The following PDZD7 variants were observed in gnomAD, a reference collection of about 807,000 sequenced individuals.
The protein encoded by PDZD7 is PDZ domain-containing protein 7.
A neutral mutation model predicts 84.7 loss-of-function variants in PDZD7; 72 were observed. That is an observed-to-expected ratio of 0.85 (90% confidence interval 0.70 to 1.03). The LOEUF (loss-of-function observed/expected upper bound fraction) is 1.03, where lower values mean the gene tolerates loss of function less well. Among genes scored for constraint, PDZD7 ranks in the 50% least tolerant of loss-of-function variants. PDZD7 has a pLI of 0.00. For missense variants in PDZD7, 1,490 were observed against 1,412.9 expected, an observed-to-expected ratio of 1.05 and a Z score of -0.87; for synonymous variants, 594 against 580.7, an observed-to-expected ratio of 1.02 and a Z score of -0.33.
At position 101,023,498 on chromosome 10, in the gene PDZD7, G is replaced by A. The variant is rs2134099593; in HGVS notation, c.480C>T (p.His160=). 1 of 1,614,152 alleles carries A rather than the reference G, an allele frequency of 6.2e-7. No individual in the cohort carries two copies. Among genetic ancestry groups the A allele is most frequent in the Non-Finnish European group, 8.5e-7 (1 of 1,180,030 alleles). Residue 160 remains histidine (H), a synonymous_variant, in exon 4 of 17, where the codon CAC becomes CAT. Transcript: ENST00000619208. ...CACGGCCCATGCGCCGAACCATCATGTGCAGGCGGCTGCTGCTGGTCAGCA... is the reference window on the plus strand; with the variant it reads ...CACGGCCCATGCGCCGAACCATCATATGCAGGCGGCTGCTGCTGGTCAGCA... The part of the protein sequence containing the change: ...VKVLTSSSRL[H]MMVRRMGRVP...
chr10:101,029,998 G>C lies in PDZD7; in HGVS notation c.222C>G (p.Ile74Met), dbSNP rs2134156639. Reference protein sequence around the residue: ...MGRVILINSPIEANSDESDII... With the variant: ...MGRVILINSPMEANSDESDII... ...GTGGCTGGGTCCCGCCCCTACCTTC[G>C]ATGGGGGAGTTGATGAGGATGACGC... Residue 74 changes from isoleucine (I) to methionine (M), a missense_variant, in exon 2 of 17, where the codon ATC becomes ATG. Coordinates refer to ENST00000619208, the MANE Select transcript of PDZD7 (RefSeq NM_001195263.2). 6.3e-7 allele frequency: 1 copy of C among 1,598,846 alleles called. No individual in the cohort carries two copies. Among genetic ancestry groups the C allele is most frequent in the Non-Finnish European group, 8.5e-7 (1 of 1,171,146 alleles).
intron 14 of PDZD7, chr10:101,011,165 C>T: frequency 2.3e-6 from 2 of 867,936 alleles, no homozygotes; most frequent in Non-Finnish European, 3.2e-6. Flanking sequence ...CTCAGCCTCC[C>T]GGAGTAGCTG....
In PDZD7 at chr10:101,019,202, A is replaced by G. The variant is rs1852907786; in HGVS notation, c.944T>C (p.Leu315Pro). Residue 315 changes from leucine to proline, a missense_variant, in exon 8 of 17, where the codon CTG (leucine) becomes CCG (proline). Physicochemically the swap from Leu to Pro is moderately conservative, Grantham distance 98. Transcript: ENST00000619208. ...CTCAGAGGCCGGGGACAGCTGCTGCAGCACCCCGTTGCTCACTGCAGGGAG... is the reference window on the plus strand; with the variant it reads ...CTCAGAGGCCGGGGACAGCTGCTGCGGCACCCCGTTGCTCACTGCAGGGAG... ...CWLDRLSNGV[L>P]QQLSPASESS... is the part of the protein sequence containing the mutation. The G allele has an allele frequency of 2.0e-6, 3 of 1,535,878 alleles. No homozygotes were observed. Among genetic ancestry groups the G allele is most frequent in the African/African-American group, 1.4e-5 (1 of 73,204 alleles).
chr10:101,024,110 G>A, intron 2 of PDZD7, 42 bp from the exon 3 acceptor site: 1 of 1,614,008 alleles, frequency 6.2e-7, no homozygotes, highest in Non-Finnish European at 8.5e-7. Flanking sequence ...TGTTCATTGT[G>A]GGCACAGAGG....
chr10:101,024,105 A>C, intron 2 of PDZD7, 37 bp from the exon 3 acceptor site: 1 of 1,614,084 alleles, frequency 6.2e-7, no homozygotes, highest in African/African-American at 1.3e-5. Flanking sequence ...CCCCATGTTC[A>C]TTGTGGGCAC....
rs201889423 is a variant in PDZD7, at chr10:101,023,438, C to T, written c.540G>A (p.Thr180=). The T allele has an allele frequency of 1.5e-4, 237 of 1,614,028 alleles. 1 individual carries two copies. In the East Asian group the frequency reaches 4.7e-3, roughly 32 times the overall value. The part of the protein sequence containing the change: ...PGIKFSKEKT[T]WVDVVNRRLV... Reference sequence around the variant, plus strand: ...AGGATGAGGGAGTTGCTGCTCACCACGTGGTCTTCTCCTTGGAGAACTTGA... The same window carrying T: ...AGGATGAGGGAGTTGCTGCTCACCATGTGGTCTTCTCCTTGGAGAACTTGA... The change falls in exon 4 of 17, where the codon ACG becomes ACA. Residue 180 remains threonine, a splice_region_variant and synonymous_variant. Coordinates refer to ENST00000619208, the MANE Select transcript of PDZD7 (RefSeq NM_001195263.2).
At chr10:101,015,890 GC>G in intron 10 of PDZD7, 79 bp from the exon 11 acceptor site, 1 of 1,441,736 alleles carries the variant, frequency 6.9e-7, no homozygotes, top group Non-Finnish European at 9.3e-7. Flanking sequence ...CCAGCTGAGA[GC>G]CCAGGTACCT....
rs1341078143 is a variant in PDZD7 at position 101,008,253 on chromosome 10, C to G, written c.*214G>C. Reference sequence around the variant, plus strand: ...TGGGGAGCAGTGAGTGCAGGTGACACAGGCTGCCCACTAGCACCTTGTCCT... The same window carrying G: ...TGGGGAGCAGTGAGTGCAGGTGACAGAGGCTGCCCACTAGCACCTTGTCCT... On this transcript the variant is annotated 3_prime_UTR_variant, in exon 17 of 17. Coordinates refer to ENST00000619208, the MANE Select transcript of PDZD7 (RefSeq NM_001195263.2). The G allele has an allele frequency of 6.9e-5, 40 of 578,048 alleles. No individual in the cohort carries two copies. Among genetic ancestry groups the G allele is most frequent in the Non-Finnish European group, 8.9e-6 (3 of 337,422 alleles). 35.8% of individuals were successfully genotyped at this position (578,048 alleles called of 1,614,324 possible).
Position 101,017,887 on chromosome 10 carries a change from GAAAGAAAAGAAAGAAAGAAAGAAAGA to G in PDZD7, c.1522+186_1522+211del, listed in dbSNP as rs1229218697. On this transcript the variant is annotated intron_variant, in intron 9 of 16. Transcript: ENST00000619208. The stretch of plus-strand genomic sequence containing the variant: ...AGAAAGAAAGAAAGAAAGAAAGAAA[GAAAGAAAAGAAAGAAAGAAAGAAAGA>G]AAAGAAAGAAAGAAAAAGAAATAGG... 3,173 of 201,202 alleles carry G rather than the reference GAAAGAAAAGAAAGAAAGAAAGAAAGA, an allele frequency of 0.016. 31 individuals carry two copies. The highest frequency in any genetic ancestry group is 0.043 in the Middle Eastern group (27 of 630). 12.5% of individuals were successfully genotyped at this position (201,202 alleles called of 1,614,324 possible).
In PDZD7 at chr10:101,010,770, GGGCAGA is replaced by G. The variant is rs1564627638; in HGVS notation, c.2113_2118del (p.Ser705_Ala706del). ...GGGATCCCTTTATGGGGGTGGCGAG[GGGCAGA>G]GGCACTTGGGGAGACCTTGAGGGCC... On this transcript the variant is annotated inframe_deletion, in exon 15 of 17. Transcript: ENST00000619208. The G allele has an allele frequency of 6.5e-7, 1 of 1,535,482 alleles. No individual in the cohort carries two copies. The highest frequency in any genetic ancestry group is 2.4e-5 in the East Asian group (1 of 40,888).
chr10:101,018,434 C>T lies in PDZD7; in HGVS notation c.1325-138G>A, dbSNP rs562716780. 8.1e-5 allele frequency: 75 copies of T among 929,144 alleles called. No individual in the cohort carries two copies. The African/African-American group carries it at 1.1e-3, about 14-fold the overall frequency. The allele number at this position is 929,144 out of a possible 1,614,324, so 57.6% of individuals were successfully genotyped here. On this transcript the variant is annotated intron_variant, in intron 8 of 16. Coordinates refer to ENST00000619208, the MANE Select transcript of PDZD7 (RefSeq NM_001195263.2). The stretch of plus-strand genomic sequence containing the variant: ...CTGCAGCTACGCCGGGGTGAGAGTG[C>T]GGTTCCTCTTCCGACTTTCTGACCC...
Position 101,029,993 on chromosome 10 carries a change from C to G in PDZD7, c.226+1G>C. On this transcript the variant is annotated splice_donor_variant, in intron 2 of 16. Transcript: ENST00000619208. LOFTEE classifies it high-confidence loss of function. Reference sequence around the variant, plus strand: ...GGCCAGTGGCTGGGTCCCGCCCCTACCTTCGATGGGGGAGTTGATGAGGAT... The same window carrying G: ...GGCCAGTGGCTGGGTCCCGCCCCTAGCTTCGATGGGGGAGTTGATGAGGAT... The G allele has an allele frequency of 6.8e-7, 1 of 1,461,514 alleles. No individual in the cohort carries two copies. Among genetic ancestry groups the G allele is most frequent in the Non-Finnish European group, 9.3e-7 (1 of 1,073,770 alleles). The allele number at this position is 1,461,514 out of a possible 1,614,324, so 90.5% of individuals were successfully genotyped here.
intron 2 of PDZD7, 42 bp downstream of exon 2, chr10:101,029,946 TACCCCC>T: frequency 7.4e-7 from 1 of 1,355,682 alleles, no homozygotes; most frequent in Non-Finnish European, 1.0e-6. Flanking sequence ...CATTGTCCCC[TACCCCC>T]ACCCTCCCCA....
chr10:101,022,422 C>T (rs756792738), intron 4 of PDZD7, 37 bp from the exon 5 acceptor site: 2 of 1,611,692 alleles, frequency 1.2e-6, no homozygotes, highest in African/African-American at 1.3e-5. Context: ...TGGGGTCCTC[C>T]ATCCACTGCC....
At chr10:101,022,025 A>G in intron 5 of PDZD7, 80 bp from the exon 6 acceptor site, 1 of 1,575,674 alleles carries the variant, frequency 6.3e-7, no homozygotes, top group East Asian at 2.3e-5. Context: ...TCTCTTGGAC[A>G]CAAGACTGCA....
chr10:101,023,366 T>G, intron 4 of PDZD7, 70 bp downstream of exon 4: 2 of 1,585,898 alleles, frequency 1.3e-6, no homozygotes, highest in Non-Finnish European at 1.7e-6. Context: ...TGCCAGTGGG[T>G]TTTGGGTGTT....
chr10:101,021,044 A>C (rs1382238028), intron 6 of PDZD7, among the ~76,000 whole-genome samples: 1 of 152,184 alleles, frequency 6.6e-6, no homozygotes, highest in Non-Finnish European at 1.5e-5. Flanking sequence ...CAGCCCCAGT[A>C]CCTGGCACAG....
chr10:101,009,387 C>T (rs996571907), intron 15 of PDZD7, 37 bp from the exon 16 acceptor site: 30 of 1,501,410 alleles, frequency 2.0e-5, no homozygotes, highest in East Asian at 2.5e-5. Context: ...AGAGTGCAGC[C>T]GGACCCCAAA....
chr10:101,019,279 G>T, intron 7 of PDZD7, 62 bp from the exon 8 acceptor site: 1 of 1,531,224 alleles, frequency 6.5e-7, no homozygotes, highest in South Asian at 1.2e-5. Context: ...CCGGCTTGCA[G>T]ACCACCCTTG....
Sources: allele counts gnomAD v4.1 joint callset (sites outside exome capture counted in the v4.1 genomes callset), GRCh38; gene constraint gnomAD v4.1.1; transcripts MANE v1.5; gene names NCBI Gene and HGNC (gene_info 2026-07-23, HGNC 2026-07-21).